The following SLIT2 variants were observed in gnomAD, a reference collection of about 807,000 sequenced individuals.
SLIT2 encodes slit guidance ligand 2.
In SLIT2, 41 loss-of-function variants were observed where a neutral mutation model predicts 185.7. The observed-to-expected ratio is 0.22, with a 90% confidence interval of 0.17 to 0.29. The LOEUF (loss-of-function observed/expected upper bound fraction) is 0.29. Among genes scored for constraint, SLIT2 ranks in the 10% least tolerant of loss-of-function variants. SLIT2 has a pLI of 1.00. For missense variants in SLIT2, 1,571 were observed against 1,909.0 expected (o/e 0.82, Z 3.30); for synonymous variants, 693 against 680.2 (o/e 1.02, Z -0.29).
Position 20,619,094 on chromosome 4 carries a change from T to C in SLIT2, c.*85T>C. 1 of 1,356,120 alleles carries C rather than the reference T, an allele frequency of 7.4e-7. No individual in the cohort carries two copies. Among genetic ancestry groups the C allele is most frequent in the Non-Finnish European group, 1.0e-6 (1 of 984,694 alleles). 84.0% of individuals were successfully genotyped at this position (1,356,120 alleles called of 1,614,324 possible). On this transcript the variant is annotated 3_prime_UTR_variant, in exon 37 of 37. Coordinates refer to ENST00000504154, the MANE Select transcript of SLIT2 (RefSeq NM_004787.4). ...TAATGAATGCTTCATAGTGGAAATA[T>C]TTGAAATATATTGTAAAATACAGAA...
chr4:20,582,872 A>G (rs951232311), intron 29 of SLIT2, among the ~76,000 whole-genome samples: 2 of 152,200 alleles, frequency 1.3e-5, no homozygotes, highest in African/African-American at 4.8e-5. Flanking sequence ...TGATACCACG[A>G]CAACAGATTT....
intron 25 of SLIT2, among the ~76,000 whole-genome samples, chr4:20,551,105 T>G (rs1723708578): frequency 1.3e-5 from 2 of 152,226 alleles, no homozygotes. Flanking sequence ...TTTCCAGTAG[T>G]CGAATTATCT....
At position 20,549,106 on chromosome 4, in the gene SLIT2, G is replaced by A; in HGVS notation, c.2467G>A (p.Gly823Arg). The A allele has an allele frequency of 6.3e-7, 1 of 1,594,628 alleles. No homozygotes were observed. Residue 823 changes from glycine (G) to arginine (R), a missense_variant, in exon 24 of 37, where the codon GGA becomes AGA. Around this residue, in one of 3 missense-constraint regions of SLIT2, gnomAD observed 1,202 missense variants for 1,416.4 expected, o/e 0.85. Coordinates refer to ENST00000504154, the MANE Select transcript of SLIT2 (RefSeq NM_004787.4). ...ATGTATTCCTCCTCGCACCTTTGAT[G>A]GATTAAAGTCTCTTCGATTACTGTA... ...LRCIPPRTFD[G>R]LKSLRLLSLH... is the part of the protein sequence containing the mutation.
At chr4:20,442,315 C>T (rs538722889) in intron 4 of SLIT2, among the ~76,000 whole-genome samples, 1 of 151,936 alleles carries the variant, frequency 6.6e-6, no homozygotes, top group Non-Finnish European at 1.5e-5. Context: ...GTCAGGAGAT[C>T]GAGACCATCC....
chr4:20,597,365 G>A (rs1190929507), intron 32 of SLIT2, among the ~76,000 whole-genome samples: 1 of 152,078 alleles, frequency 6.6e-6, no homozygotes, highest in African/African-American at 2.4e-5. Flanking sequence ...ACTGCGCTCA[G>A]CCAACCAGCA....
chr4:20,293,078 T>C (rs977507452), intron 4 of SLIT2, among the ~76,000 whole-genome samples: 7 of 152,154 alleles, frequency 4.6e-5, no homozygotes, highest in African/African-American at 1.7e-4. Context: ...AAAAAGTCTG[T>C]ATGGAAAGGA....
intron 29 of SLIT2, among the ~76,000 whole-genome samples, chr4:20,585,064 A>C (rs75671960): frequency 2.0e-5 from 3 of 152,090 alleles, no homozygotes; most frequent in Admixed American, 1.3e-4. Context: ...CAAAAAAAAC[A>C]AAAAACAAAA....
chr4:20,379,915 C>A (rs1333418940), intron 4 of SLIT2, among the ~76,000 whole-genome samples: 1 of 152,000 alleles, frequency 6.6e-6, no homozygotes, highest in South Asian at 2.1e-4. Context: ...GAGGACGAGG[C>A]AGCTGGAATT....
intron 17 of SLIT2, among the ~76,000 whole-genome samples, chr4:20,532,816 C>G (rs1721922205): frequency 6.6e-6 from 1 of 152,210 alleles, no homozygotes; most frequent in South Asian, 2.1e-4. Flanking sequence ...TCCTTTTTCA[C>G]TGTTATGAAA....
At chr4:20,271,840 G>A (rs1281140624) in intron 4 of SLIT2, among the ~76,000 whole-genome samples, 1 of 151,978 alleles carries the variant, frequency 6.6e-6, no homozygotes, top group South Asian at 2.1e-4. Flanking sequence ...ATCGCCCTTT[G>A]ACTAGTGGTT....
chr4:20,587,554 G>A (rs1727162277), intron 29 of SLIT2, among the ~76,000 whole-genome samples: 1 of 152,148 alleles, frequency 6.6e-6, no homozygotes, highest in Non-Finnish European at 1.5e-5. Context: ...ACAGTTTCTT[G>A]GAACTTTGTC....
At chr4:20,581,071 C>A (rs1162287813) in intron 29 of SLIT2, among the ~76,000 whole-genome samples, 5 of 152,166 alleles carry the variant, frequency 3.3e-5, no homozygotes. Flanking sequence ...GCTGCCATAA[C>A]AAATTACTGC....
intron 4 of SLIT2, among the ~76,000 whole-genome samples, chr4:20,334,967 ACTCAGAATCCT>A: frequency 6.6e-6 from 1 of 152,300 alleles, no homozygotes; most frequent in East Asian, 1.9e-4. Context: ...GAATAAATAA[ACTCAGAATCCT>A]CTCATGCAGT....
rs1170573601 is a variant in SLIT2 at position 20,299,715 on chromosome 4, A to G, written c.395+30834A>G. Among the ~76,000 whole-genome samples the G allele has an allele frequency of 2.6e-5, 4 of 151,718 alleles. No homozygotes were observed. In the Middle Eastern group the frequency reaches 0.01, roughly 390 times the overall value. On this transcript the variant is annotated intron_variant, in intron 4 of 36. Transcript: ENST00000504154. ...TGATGGTCAAAAATGTGGACTTTTT[A>G]AGGCCCGACAGGGGGAGCCAATTCC... is the stretch of plus-strand genomic sequence containing the variant.
chr4:20,424,856 G>T (rs534443804), intron 4 of SLIT2, among the ~76,000 whole-genome samples: 1 of 152,012 alleles, frequency 6.6e-6, no homozygotes, highest in Admixed American at 6.6e-5. Context: ...CCTCAGTACC[G>T]TGGTAACTCA....
At chr4:20,441,439 CA>C (rs1729729171) in intron 4 of SLIT2, among the ~76,000 whole-genome samples, 1 of 151,476 alleles carries the variant, frequency 6.6e-6, no homozygotes, top group African/African-American at 2.4e-5. Context: ...GGATTTGCTG[CA>C]AAATAATGAC....
chr4:20,287,379 G>T (rs1210838676), intron 4 of SLIT2, among the ~76,000 whole-genome samples: 1 of 152,188 alleles, frequency 6.6e-6, no homozygotes, highest in African/African-American at 2.4e-5. Flanking sequence ...GGAGAGTCTA[G>T]CAGAGAATAT....
At chr4:20,413,276 T>TAAAC (rs1727396635) in intron 4 of SLIT2, among the ~76,000 whole-genome samples, 1 of 152,094 alleles carries the variant, frequency 6.6e-6, no homozygotes, top group African/African-American at 2.4e-5. Flanking sequence ...TTTGTGAATT[T>TAAAC]CCCAAATTTT....
intron 4 of SLIT2, among the ~76,000 whole-genome samples, chr4:20,410,362 C>T (rs1174749508): frequency 2.0e-5 from 3 of 148,814 alleles, no homozygotes; most frequent in African/African-American, 5.0e-5. Context: ...GATTCTACTG[C>T]CTCAGCCTCC....
Sources: gnomAD v4.1 joint callset for allele counts (sites outside exome capture counted in the v4.1 genomes callset) on GRCh38, gnomAD v4.1.1 for gene constraint, gnomAD v4.1.1 regional missense constraint, MANE v1.5 for transcripts, NCBI Gene and HGNC (gene_info 2026-07-23, HGNC 2026-07-21) for gene names.